Variants in RRAS2 observed in about 807,000 individuals in gnomAD.
RRAS2 encodes the protein ras-related protein R-Ras2.
Under a neutral mutation model 27.6 loss-of-function variants are expected in RRAS2, and 7 were observed. The observed-to-expected ratio is 0.25, with a 90% CI of 0.14 to 0.48. The LOEUF (loss-of-function observed/expected upper bound fraction) is 0.48. RRAS2 is among the 20% of genes least tolerant of loss of function. The pLI is 0.99. For synonymous variants in RRAS2, 86 were observed against 90.9 expected (o/e 0.95, Z 0.31); for missense variants, 178 against 256.2 (o/e 0.69, Z 2.08).
chr11:14,280,803 T>C (rs1487549417), intron 5 of RRAS2, among the ~76,000 whole-genome samples: 3 of 130,256 alleles, frequency 2.3e-5, no homozygotes, highest in African/African-American at 9.0e-5. Context: ...TAGCAGAGAA[T>C]CCCAGATCTA....
At chr11:14,314,230 T>C (rs551818298) in intron 1 of RRAS2, among the ~76,000 whole-genome samples, 1 of 152,308 alleles carries the variant, frequency 6.6e-6, no homozygotes, top group Admixed American at 6.5e-5. Context: ...AACTATGAAA[T>C]TGAGAGTCTA....
chr11:14,331,532 T>C (rs1415149643), intron 1 of RRAS2, among the ~76,000 whole-genome samples: 1 of 152,082 alleles, frequency 6.6e-6, no homozygotes, highest in African/African-American at 2.4e-5. Flanking sequence ...TCATTTTGTT[T>C]GAACTATTTT....
At chr11:14,279,524 C>G (rs577320127) in intron 5 of RRAS2, 100 bp from the exon 6 acceptor site, 82 of 896,582 alleles carry the variant, frequency 9.1e-5, no homozygotes, top group Non-Finnish European at 1.5e-4. Context: ...AGTGTGTATG[C>G]TTTTCAGTGT....
intron 1 of RRAS2, among the ~76,000 whole-genome samples, chr11:14,326,945 C>T (rs1189531846): frequency 1.6e-5 from 1 of 62,350 alleles, no homozygotes; most frequent in Non-Finnish European, 4.3e-5. Context: ...CCTGTAGTCC[C>T]AGCTACTTGG....
At chr11:14,291,266 T>G (rs1032730983) in intron 4 of RRAS2, among the ~76,000 whole-genome samples, 3 of 152,174 alleles carry the variant, frequency 2.0e-5, no homozygotes, top group Non-Finnish European at 4.4e-5. Context: ...GGGAAATAGG[T>G]GGACTAGGGA....
intron 1 of RRAS2, among the ~76,000 whole-genome samples, chr11:14,344,077 A>C (rs1200699271): frequency 6.6e-6 from 1 of 152,132 alleles, no homozygotes; most frequent in African/African-American, 2.4e-5. Flanking sequence ...GGGGACATCA[A>C]GGCTGCAGTG....
At position 14,302,874 on chromosome 11, in the gene RRAS2, T is replaced by C. The variant is rs952412556; in HGVS notation, c.109-7019A>G. Among the ~76,000 whole-genome samples the C allele has an allele frequency of 3.4e-4, 51 of 152,184 alleles. 1 individual carries two copies. Among genetic ancestry groups the C allele is most frequent in the Non-Finnish European group, 1.8e-4 (12 of 68,018 alleles). ...TAGACCCGGACACAGTTCTATCAGTTTGCCAGCTGTGGGAAACTAGAGTAG... is the reference window on the plus strand; with the variant it reads ...TAGACCCGGACACAGTTCTATCAGTCTGCCAGCTGTGGGAAACTAGAGTAG... On this transcript the variant is annotated intron_variant, in intron 1 of 5. Transcript: ENST00000256196.
At chr11:14,351,240 TAAA>T (rs572661036) in intron 1 of RRAS2, among the ~76,000 whole-genome samples, 4 of 152,114 alleles carry the variant, frequency 2.6e-5, no homozygotes, top group Non-Finnish European at 5.9e-5. Flanking sequence ...ATCAATGTCA[TAAA>T]ACACAGAGAC....
At chr11:14,333,826 G>A (rs550440704) in intron 1 of RRAS2, among the ~76,000 whole-genome samples, 7 of 152,212 alleles carry the variant, frequency 4.6e-5, no homozygotes, top group South Asian at 4.1e-4. Flanking sequence ...TTAGAGACGG[G>A]TTTTCGCCAT....
intron 1 of RRAS2, among the ~76,000 whole-genome samples, chr11:14,332,366 T>G (rs538403636): frequency 6.6e-6 from 1 of 152,288 alleles, no homozygotes; most frequent in African/African-American, 2.4e-5. Context: ...CCAGGCGTGG[T>G]GGCGTGTGCC....
chr11:14,363,031 C>G (rs1554956303), upstream of RRAS2, among the ~76,000 whole-genome samples: 1 of 152,132 alleles, frequency 6.6e-6, no homozygotes, highest in African/African-American at 2.4e-5. Flanking sequence ...GAATTGGTTG[C>G]CGATATTTAA....
upstream of RRAS2, among the ~76,000 whole-genome samples, chr11:14,362,727 C>T (rs1849206374): frequency 6.6e-6 from 1 of 152,146 alleles, no homozygotes; most frequent in Admixed American, 6.5e-5. Flanking sequence ...ATTTCTTTCC[C>T]AATGTCACCT....
Position 14,342,378 on chromosome 11 carries a change from T to C in RRAS2, c.108+16385A>G, listed in dbSNP as rs891817850. On this transcript the variant is annotated intron_variant, in intron 1 of 5. Transcript: ENST00000256196. ...TTCTTCCCAAGCCTGCATTTCCTCA[T>C]CTGTAGGATGGAAATAATGACCATG... Among the ~76,000 whole-genome samples, 8 of 152,222 alleles carry C rather than the reference T, an allele frequency of 5.3e-5. No homozygotes were observed. In the East Asian group the frequency reaches 5.8e-4, roughly 11 times the overall value.
At chr11:14,356,439 A>G (rs1554955440) in intron 1 of RRAS2, among the ~76,000 whole-genome samples, 2 of 152,204 alleles carry the variant, frequency 1.3e-5, no homozygotes, top group South Asian at 2.1e-4. Context: ...AACACTGATA[A>G]CACCTACCAT....
chr11:14,356,659 G>A (rs1056739131), intron 1 of RRAS2: 1 of 394,556 alleles, frequency 2.5e-6, no homozygotes, highest in South Asian at 1.9e-5. Context: ...TACTCTTTAT[G>A]TACACATATG....
intron 1 of RRAS2, among the ~76,000 whole-genome samples, chr11:14,337,512 TATC>T (rs201874035): frequency 0.035 from 5,304 of 152,304 alleles, 137 homozygotes; most frequent in Admixed American, 0.047. Context: ...CATTATCTCA[TATC>T]ATCATAAGAA....
intron 4 of RRAS2, among the ~76,000 whole-genome samples, chr11:14,282,369 C>T (rs1407959572): frequency 6.6e-6 from 1 of 152,108 alleles, no homozygotes; most frequent in Non-Finnish European, 1.5e-5. Flanking sequence ...ATTATGAATG[C>T]AATCACAGGC....
intron 1 of RRAS2, among the ~76,000 whole-genome samples, chr11:14,356,135 T>C (rs1849067692): frequency 6.6e-6 from 1 of 152,126 alleles, no homozygotes; most frequent in South Asian, 2.1e-4. Flanking sequence ...GTAACCTGCC[T>C]AAAATTACAC....
Position 14,328,752 on chromosome 11 carries a change from C to T in RRAS2, c.108+30011G>A, listed in dbSNP as rs563533691. 1.4e-3 allele frequency among the ~76,000 whole-genome samples: 212 copies of T among 151,846 alleles called. 2 individuals are homozygous for T. Among genetic ancestry groups the T allele is most frequent in the African/African-American group, 4.8e-3 (198 of 41,416 alleles). Reference sequence around the variant, plus strand: ...TGACCTCTGCTCACCGCAACCTCCACCTTCTGGGTTCAAGCAATCCTCCTG... The same window carrying T: ...TGACCTCTGCTCACCGCAACCTCCATCTTCTGGGTTCAAGCAATCCTCCTG... On this transcript the variant is annotated intron_variant, in intron 1 of 5. Coordinates refer to ENST00000256196, the MANE Select transcript of RRAS2 (RefSeq NM_012250.6).
Sources: allele counts gnomAD v4.1 joint callset (sites outside exome capture counted in the v4.1 genomes callset), GRCh38; gene constraint gnomAD v4.1.1; transcripts MANE v1.5; gene names NCBI Gene and HGNC (gene_info 2026-07-23, HGNC 2026-07-21).